Variants in LRP1B observed in about 807,000 individuals in gnomAD.
LRP1B encodes the protein low-density lipoprotein receptor-related protein 1B.
LRP1B carries 217 observed loss-of-function variants against 556.6 expected under a neutral mutation model. That is an observed-to-expected ratio of 0.39 (90% confidence interval 0.35 to 0.44). LRP1B has a LOEUF of 0.44. Ranked by LOEUF, LRP1B falls within the 20% of genes least tolerant of loss-of-function variation. The pLI is 1.00. For synonymous variants in LRP1B, 2,047 were observed against 1,865.8 expected (o/e 1.10, Z -2.50); for missense variants, 5,053 against 5,620.8 (o/e 0.90, Z 3.23).
intron 2 of LRP1B, among the ~76,000 whole-genome samples, chr2:141,653,528 T>C (rs918928193): frequency 6.6e-6 from 1 of 152,198 alleles, no homozygotes; most frequent in Non-Finnish European, 1.5e-5. Context: ...TATCTACAGA[T>C]CCAGTTAGAT....
At chr2:140,549,177 C>T (rs1047065091) in intron 43 of LRP1B, among the ~76,000 whole-genome samples, 4 of 152,036 alleles carry the variant, frequency 2.6e-5, no homozygotes, top group Admixed American at 2.6e-4. Context: ...GAAATTCAGA[C>T]TTGGATTCAC....
chr2:140,719,885 G>T lies in LRP1B; in HGVS notation c.5759-3069C>A, dbSNP rs1025307277. Reference sequence around the variant, plus strand: ...TTATCAATTTTTTCACATATATGTTGTATACCCACACAAACACACACTAGA... The same window carrying T: ...TTATCAATTTTTTCACATATATGTTTTATACCCACACAAACACACACTAGA... On this transcript the variant is annotated intron_variant, in intron 35 of 90. Transcript: ENST00000389484. Among the ~76,000 whole-genome samples, 10 of 151,918 alleles carry T rather than the reference G, an allele frequency of 6.6e-5. No individual in the cohort carries two copies. The South Asian group carries it at 1.7e-3, about 25-fold the overall frequency.
chr2:140,495,188 T>C (rs924452211), intron 56 of LRP1B, among the ~76,000 whole-genome samples: 2 of 152,166 alleles, frequency 1.3e-5, no homozygotes, highest in Admixed American at 6.6e-5. Context: ...CATATATGTA[T>C]GTATGTATGG....
At chr2:141,371,703 A>G (rs985461305) in intron 3 of LRP1B, among the ~76,000 whole-genome samples, 2 of 152,138 alleles carry the variant, frequency 1.3e-5, no homozygotes, top group African/African-American at 4.8e-5. Context: ...CCTGATTTCT[A>G]TACATTGACT....
intron 2 of LRP1B, among the ~76,000 whole-genome samples, chr2:141,590,180 G>T (rs1687286603): frequency 6.6e-6 from 1 of 152,090 alleles, no homozygotes; most frequent in Admixed American, 6.6e-5. Flanking sequence ...ACAATTATTG[G>T]TGATGGTCTC....
At chr2:141,265,569 T>A (rs1026480065) in intron 3 of LRP1B, among the ~76,000 whole-genome samples, 1 of 152,202 alleles carries the variant, frequency 6.6e-6, no homozygotes, top group Non-Finnish European at 1.5e-5. Flanking sequence ...AAACTCTTCA[T>A]GTAATGAATA....
At chr2:141,973,570 A>G (rs1312194133) in intron 1 of LRP1B, among the ~76,000 whole-genome samples, 1 of 151,810 alleles carries the variant, frequency 6.6e-6, no homozygotes, top group Non-Finnish European at 1.5e-5. Context: ...GCATTGTGAT[A>G]GGCACTGGGG....
At chr2:141,629,211 A>G (rs1688816946) in intron 2 of LRP1B, among the ~76,000 whole-genome samples, 1 of 152,108 alleles carries the variant, frequency 6.6e-6, no homozygotes, top group African/African-American at 2.4e-5. Flanking sequence ...TTTACCATCC[A>G]CTTACTATAG....
chr2:141,547,509 G>A (rs901840832), intron 2 of LRP1B, among the ~76,000 whole-genome samples: 4 of 152,286 alleles, frequency 2.6e-5, no homozygotes, highest in African/African-American at 9.6e-5. Flanking sequence ...AGCCTGACAT[G>A]TAAACTCCTT....
intron 47 of LRP1B, among the ~76,000 whole-genome samples, chr2:140,526,896 A>G (rs1442138375): frequency 1.3e-5 from 2 of 151,758 alleles, no homozygotes; most frequent in African/African-American, 4.8e-5. Flanking sequence ...GCAGGGGGGA[A>G]CCACTGAACA....
intron 2 of LRP1B, among the ~76,000 whole-genome samples, chr2:141,765,166 A>C (rs578063018): frequency 6.6e-6 from 1 of 152,366 alleles, no homozygotes; most frequent in East Asian, 1.9e-4. Context: ...AAAATAATTT[A>C]GTATAACCTG....
intron 3 of LRP1B, among the ~76,000 whole-genome samples, chr2:141,341,727 T>C (rs1688062917): frequency 6.6e-6 from 1 of 152,140 alleles, no homozygotes; most frequent in African/African-American, 2.4e-5. Context: ...ACAAAAACCA[T>C]TCATGAGATT....
rs561136613 is a variant in LRP1B, at chr2:141,701,166, C to T, written c.205+109113G>A. 5.3e-5 allele frequency among the ~76,000 whole-genome samples: 8 copies of T among 152,000 alleles called. No homozygotes were observed. In the South Asian group the frequency reaches 1.0e-3, roughly 20 times the overall value. On this transcript the variant is annotated intron_variant, in intron 2 of 90. Transcript: ENST00000389484. ...TTAATCTCACTAAAATGGATCTGAA[C>T]ACATTACAGCTTTGCTTATAAACTT...
At chr2:140,575,943 A>C (rs940659350) in intron 43 of LRP1B, among the ~76,000 whole-genome samples, 1 of 114,862 alleles carries the variant, frequency 8.7e-6, no homozygotes, top group East Asian at 3.3e-4. Flanking sequence ...AACAAAAAAC[A>C]AAAAAAAAGT....
chr2:141,492,079 G>GAAAAAAAAAAAAAAAAAAAAAAAAA, intron 2 of LRP1B, among the ~76,000 whole-genome samples: 1 of 8,062 alleles, frequency 1.2e-4, no homozygotes, highest in African/African-American at 2.7e-4. Context: ...TTAGCTTTCT[G>GAAAAAAAAAAAAAAAAAAAAAAAAA]AAAAAAAAAA....
intron 86 of LRP1B, among the ~76,000 whole-genome samples, chr2:140,247,687 T>C (rs1573679942): frequency 6.6e-6 from 1 of 151,662 alleles, no homozygotes; most frequent in African/African-American, 2.4e-5. Context: ...TTTTAAATCA[T>C]ACTTCTATTA....
chr2:142,045,145 A>T (rs1203331594), intron 1 of LRP1B, among the ~76,000 whole-genome samples: 1 of 31,794 alleles, frequency 3.1e-5, no homozygotes, highest in East Asian at 2.0e-3. Context: ...CAAGGGGGAA[A>T]AAAAAAAAAA....
At chr2:140,651,437 G>T (rs1333939926) in intron 41 of LRP1B, among the ~76,000 whole-genome samples, 8 of 147,352 alleles carry the variant, frequency 5.4e-5, no homozygotes, top group Non-Finnish European at 1.0e-4. Context: ...CACCAGCATG[G>T]CACATGTATA....
At chr2:140,290,681 A>T (rs1290096100) in intron 84 of LRP1B, among the ~76,000 whole-genome samples, 2 of 152,144 alleles carry the variant, frequency 1.3e-5, no homozygotes, top group Non-Finnish European at 2.9e-5. Context: ...GGTCGCTTTT[A>T]GCTGGGCCTG....
Sources: allele counts gnomAD v4.1 joint callset (sites outside exome capture counted in the v4.1 genomes callset), GRCh38; gene constraint gnomAD v4.1.1; transcripts MANE v1.5; gene names NCBI Gene and HGNC (gene_info 2026-07-23, HGNC 2026-07-21).